The following RUNDC3B variants were observed in gnomAD, a reference collection of about 807,000 sequenced individuals.
The protein encoded by RUNDC3B is RUN domain-containing protein 3B.
A neutral mutation model predicts 58.4 loss-of-function variants in RUNDC3B; 33 were observed. That is an observed-to-expected ratio of 0.56 (90% CI 0.43 to 0.75). The LOEUF (loss-of-function observed/expected upper bound fraction) is 0.75. RUNDC3B is among the 30% of genes least tolerant of loss of function. RUNDC3B has a pLI of 0.00. For synonymous variants in RUNDC3B, 193 were observed against 195.2 expected (o/e 0.99, Z 0.10); for missense variants, 501 against 535.7 (o/e 0.94, Z 0.64).
intron 4 of RUNDC3B, among the ~76,000 whole-genome samples, chr7:87,729,202 T>C (rs12537294): frequency 0.048 from 7,342 of 152,050 alleles, 263 homozygotes; most frequent in East Asian, 0.092. Flanking sequence ...CTCCAACAAT[T>C]GTCCTCCCTA....
intron 3 of RUNDC3B, among the ~76,000 whole-genome samples, chr7:87,701,076 AAATGGG>A (rs1828994532): frequency 1.3e-5 from 2 of 152,364 alleles, no homozygotes; most frequent in Admixed American, 1.3e-4. Flanking sequence ...CTGAGTAATA[AAATGGG>A]AAGTATGCAT....
chr7:87,633,640 G>T (rs1346035850), intron 1 of RUNDC3B, among the ~76,000 whole-genome samples: 5 of 151,862 alleles, frequency 3.3e-5, no homozygotes, highest in African/African-American at 1.2e-4. Context: ...ACCTGGGAAA[G>T]TATATAACTA....
chr7:87,737,901 G>A (rs1832078099), intron 4 of RUNDC3B, among the ~76,000 whole-genome samples: 1 of 151,972 alleles, frequency 6.6e-6, no homozygotes, highest in Middle Eastern at 3.2e-3. Flanking sequence ...ATTATTATAT[G>A]CACACACATA....
chr7:87,709,295 A>G, intron 3 of RUNDC3B: 2 of 985,206 alleles, frequency 2.0e-6, no homozygotes, highest in East Asian at 1.1e-4. Flanking sequence ...TTCATTGGTG[A>G]AATTGTAGCC....
chr7:87,631,601 G>A lies in RUNDC3B; in HGVS notation c.122+2656G>A, dbSNP rs868265042. Among the ~76,000 whole-genome samples the A allele has an allele frequency of 9.1e-4, 138 of 152,290 alleles. No homozygotes were observed. In the Middle Eastern group the frequency reaches 0.01, roughly 11 times the overall value. ...GTAGAGACGGGGTTTCACCGTATTA[G>A]CCAGGATGGTCTCGATCTGCTGACC... On this transcript the variant is annotated intron_variant, in intron 1 of 10. Coordinates refer to ENST00000394654, the MANE Select transcript of RUNDC3B (RefSeq NM_001134405.2).
chr7:87,683,279 T>C (rs1184798048), intron 2 of RUNDC3B, among the ~76,000 whole-genome samples: 4 of 152,338 alleles, frequency 2.6e-5, no homozygotes, highest in Non-Finnish European at 4.4e-5. Flanking sequence ...GCAATAAGGC[T>C]CTTTCACTTC....
intron 1 of RUNDC3B, among the ~76,000 whole-genome samples, chr7:87,645,081 C>CTTTT (rs551936794): frequency 2.3e-4 from 30 of 128,068 alleles, no homozygotes; most frequent in East Asian, 6.6e-4. Context: ...TGCTTTCTTT[C>CTTTT]TTTTTTTTTT....
chr7:87,657,676 C>T (rs923431118), intron 2 of RUNDC3B, among the ~76,000 whole-genome samples: 2 of 152,084 alleles, frequency 1.3e-5, no homozygotes, highest in Non-Finnish European at 2.9e-5. Context: ...CCTGGCCATA[C>T]TGGGGTGGGG....
chr7:87,731,309 A>G (rs1406904770), intron 4 of RUNDC3B, among the ~76,000 whole-genome samples: 1 of 152,188 alleles, frequency 6.6e-6, no homozygotes, highest in Non-Finnish European at 1.5e-5. Flanking sequence ...ATTAAGGCTT[A>G]TCACAATAAA....
At chr7:87,768,045 G>A (rs914727292) in intron 6 of RUNDC3B, among the ~76,000 whole-genome samples, 2 of 152,162 alleles carry the variant, frequency 1.3e-5, no homozygotes, top group African/African-American at 4.8e-5. Flanking sequence ...CTCTGTGTAG[G>A]GAGAGGGAGG....
At chr7:87,726,033 C>T (rs906481455) in intron 4 of RUNDC3B, among the ~76,000 whole-genome samples, 3 of 152,098 alleles carry the variant, frequency 2.0e-5, no homozygotes, top group Non-Finnish European at 4.4e-5. Context: ...TTCTCCCATT[C>T]TGTAGGTTGC....
chr7:87,731,432 G>A (rs1039230706), intron 4 of RUNDC3B, among the ~76,000 whole-genome samples: 1 of 152,048 alleles, frequency 6.6e-6, no homozygotes, highest in African/African-American at 2.4e-5. Context: ...AACATTGAAT[G>A]AAAATGGACT....
chr7:87,762,802 T>G (rs1282563108), intron 6 of RUNDC3B, among the ~76,000 whole-genome samples: 2 of 151,480 alleles, frequency 1.3e-5, no homozygotes, highest in Non-Finnish European at 3.0e-5. Context: ...CAAGAATTTA[T>G]GAAATACATT....
intron 4 of RUNDC3B, among the ~76,000 whole-genome samples, chr7:87,734,833 T>A (rs1831827378): frequency 6.6e-6 from 1 of 152,218 alleles, no homozygotes; most frequent in Non-Finnish European, 1.5e-5. Flanking sequence ...ACTTCATCGT[T>A]CTTGAAAAAA....
intron 3 of RUNDC3B, among the ~76,000 whole-genome samples, chr7:87,702,142 C>CAA (rs146127516): frequency 0.079 from 1,330 of 16,758 alleles, 444 homozygotes; most frequent in Non-Finnish European, 0.088. Context: ...GACTCTGTCT[C>CAA]AAAAAAAAAA....
intron 7 of RUNDC3B, among the ~76,000 whole-genome samples, chr7:87,775,053 T>C (rs1834544882): frequency 6.6e-6 from 1 of 152,258 alleles, no homozygotes; most frequent in Non-Finnish European, 1.5e-5. Flanking sequence ...TTTTTAAATG[T>C]ACTCCTTCTA....
At chr7:87,732,828 A>C (rs2130796799) in intron 4 of RUNDC3B, among the ~76,000 whole-genome samples, 1 of 152,348 alleles carries the variant, frequency 6.6e-6, no homozygotes, top group Non-Finnish European at 1.5e-5. Context: ...AGTACAGTAC[A>C]TTTGTATGGA....
intron 8 of RUNDC3B, among the ~76,000 whole-genome samples, chr7:87,793,059 C>T (rs866952673): frequency 1.3e-5 from 2 of 152,004 alleles, no homozygotes; most frequent in Non-Finnish European, 2.9e-5. Context: ...TTAGTGGCTA[C>T]TATTAACAAC....
At chr7:87,640,825 C>G (rs979713216) in intron 1 of RUNDC3B, among the ~76,000 whole-genome samples, 1 of 152,052 alleles carries the variant, frequency 6.6e-6, no homozygotes, top group African/African-American at 2.4e-5. Flanking sequence ...ACTGTTTAAT[C>G]CATTGAATGA....
Sources: allele counts gnomAD v4.1 joint callset (sites outside exome capture counted in the v4.1 genomes callset), GRCh38; gene constraint gnomAD v4.1.1; transcripts MANE v1.5; gene names NCBI Gene and HGNC (gene_info 2026-07-23, HGNC 2026-07-21).